Variants in FHIT observed in about 807,000 individuals in gnomAD.
The protein encoded by FHIT is fragile histidine triad diadenosine triphosphatase.
FHIT carries 19 observed loss-of-function variants against 17.9 expected under a neutral mutation model. The observed-to-expected ratio is 1.06, with a 90% CI of 0.74 to 1.56. The LOEUF (loss-of-function observed/expected upper bound fraction) is 1.56. Ranked by LOEUF, FHIT falls within the 40% of genes most tolerant of loss-of-function variation. The pLI, the probability that FHIT is intolerant of heterozygous loss-of-function variation, is 0.00. For synonymous variants in FHIT, 81 were observed against 69.7 expected (o/e 1.16, Z -0.81); for missense variants, 248 against 189.2 (o/e 1.31, Z -1.82).
chr3:61,087,781 T>A (rs1405697097), intron 2 of FHIT, among the ~76,000 whole-genome samples: 6 of 152,194 alleles, frequency 3.9e-5, no homozygotes, highest in Non-Finnish European at 8.8e-5. Flanking sequence ...TTGGTAGATT[T>A]GGTAGAGACT....
intron 5 of FHIT, among the ~76,000 whole-genome samples, chr3:60,383,731 G>A: frequency 6.6e-6 from 1 of 152,044 alleles, no homozygotes; most frequent in Middle Eastern, 3.2e-3. Flanking sequence ...AGAGAGTTAG[G>A]AGGTACATCT....
intron 5 of FHIT, among the ~76,000 whole-genome samples, chr3:60,469,626 A>ATC (rs934262965): frequency 2.6e-5 from 4 of 151,358 alleles, no homozygotes; most frequent in South Asian, 2.1e-4. Context: ...AAGCTCACAT[A>ATC]TCTCTCTCTC....
intron 8 of FHIT, among the ~76,000 whole-genome samples, chr3:59,840,928 A>G (rs543940938): frequency 6.6e-6 from 1 of 152,264 alleles, no homozygotes; most frequent in South Asian, 2.1e-4. Context: ...TAGCAAATAC[A>G]CTAGGAGCTT....
At chr3:60,679,082 T>C in intron 4 of FHIT, among the ~76,000 whole-genome samples, 1 of 152,158 alleles carries the variant, frequency 6.6e-6, no homozygotes, top group East Asian at 1.9e-4. Flanking sequence ...CTAGGGACTG[T>C]GCTAGGCTTC....
intron 3 of FHIT, among the ~76,000 whole-genome samples, chr3:61,000,293 G>A (rs1340507631): frequency 2.6e-5 from 4 of 152,308 alleles, no homozygotes; most frequent in East Asian, 3.9e-4. Flanking sequence ...GAGTCCATGC[G>A]ACACTTCTGT....
intron 5 of FHIT, among the ~76,000 whole-genome samples, chr3:60,475,186 T>A (rs923059953): frequency 6.6e-6 from 1 of 151,726 alleles, no homozygotes; most frequent in Non-Finnish European, 1.5e-5. Flanking sequence ...AGACTCTTTG[T>A]TCATCTCTTT....
chr3:60,393,088 T>C (rs577817064), intron 5 of FHIT, among the ~76,000 whole-genome samples: 1 of 152,238 alleles, frequency 6.6e-6, no homozygotes, highest in African/African-American at 2.4e-5. Context: ...CAGTCCCGAT[T>C]TGGCCCCTTC....
At chr3:60,772,995 C>T (rs555769547) in intron 4 of FHIT, among the ~76,000 whole-genome samples, 1 of 152,250 alleles carries the variant, frequency 6.6e-6, no homozygotes, top group Non-Finnish European at 1.5e-5. Context: ...TTGAAAAGCC[C>T]CTAACCTACA....
chr3:60,128,752 G>A (rs902934386), intron 5 of FHIT, among the ~76,000 whole-genome samples: 15 of 152,240 alleles, frequency 9.9e-5, no homozygotes, highest in African/African-American at 3.4e-4. Context: ...ATTGGACATA[G>A]AAATGATATA....
At chr3:60,674,930 C>G (rs1553694872) in intron 4 of FHIT, among the ~76,000 whole-genome samples, 3 of 152,176 alleles carry the variant, frequency 2.0e-5, no homozygotes, top group African/African-American at 7.2e-5. Flanking sequence ...ATTCAGTACC[C>G]TACTCTGCTA....
intron 4 of FHIT, among the ~76,000 whole-genome samples, chr3:60,815,390 A>T (rs1701703132): frequency 6.6e-6 from 1 of 151,738 alleles, no homozygotes; most frequent in Admixed American, 6.6e-5. Flanking sequence ...TTAAATCTTT[A>T]CTCCATATGG....
intron 5 of FHIT, among the ~76,000 whole-genome samples, chr3:60,340,094 T>C (rs1710441217): frequency 6.6e-6 from 1 of 152,168 alleles, no homozygotes. Flanking sequence ...AGTTTTCTTC[T>C]CTGAACTCAG....
At chr3:60,490,496 AATTT>A (rs1045190261) in intron 5 of FHIT, among the ~76,000 whole-genome samples, 1 of 152,048 alleles carries the variant, frequency 6.6e-6, no homozygotes, top group Non-Finnish European at 1.5e-5. Flanking sequence ...AGAAGGCTTA[AATTT>A]ATTTTCCCCA....
At chr3:60,501,105 C>G (rs1429090816) in intron 5 of FHIT, among the ~76,000 whole-genome samples, 1 of 152,142 alleles carries the variant, frequency 6.6e-6, no homozygotes, top group Non-Finnish European at 1.5e-5. Flanking sequence ...GACTAACAGG[C>G]TAATCTGTGA....
At chr3:60,666,306 T>C (rs1168487115) in intron 4 of FHIT, among the ~76,000 whole-genome samples, 4 of 152,296 alleles carry the variant, frequency 2.6e-5, no homozygotes, top group African/African-American at 9.6e-5. Flanking sequence ...TCATTTACTT[T>C]TCCTTCATCT....
chr3:59,938,797 C>T (rs1329274057), intron 7 of FHIT, among the ~76,000 whole-genome samples: 1 of 152,104 alleles, frequency 6.6e-6, no homozygotes, highest in Admixed American at 6.6e-5. Context: ...AGAAAAACCA[C>T]CCCCTAACTA....
At chr3:60,707,955 G>A (rs997968465) in intron 4 of FHIT, among the ~76,000 whole-genome samples, 21 of 152,202 alleles carry the variant, frequency 1.4e-4, no homozygotes, top group African/African-American at 4.3e-4. Context: ...ATTTTGTTAC[G>A]TGAATACGCT....
rs542215462 is a variant in FHIT, at chr3:59,863,895, T to G, written c.348+58451A>C. On this transcript the variant is annotated intron_variant, in intron 8 of 9. Transcript: ENST00000492590. ...GAGCCATCAACAAATATTTCTAGCT[T>G]GTCTTCTTCCTGCTGAATGAAAAGT... Among the ~76,000 whole-genome samples, 79 of 152,304 alleles carry G rather than the reference T, an allele frequency of 5.2e-4. 1 individual carries two copies. The highest frequency in any genetic ancestry group is 1.9e-3 in the African/African-American group (78 of 41,574).
chr3:60,020,155 C>T (rs182019007), intron 5 of FHIT, among the ~76,000 whole-genome samples: 6 of 152,276 alleles, frequency 3.9e-5, no homozygotes, highest in Admixed American at 2.6e-4. Context: ...AGAATCTTCC[C>T]AACTACATAA....
Sources: allele counts gnomAD v4.1 joint callset (sites outside exome capture counted in the v4.1 genomes callset), GRCh38; gene constraint gnomAD v4.1.1; transcripts MANE v1.5; gene names NCBI Gene and HGNC (gene_info 2026-07-23, HGNC 2026-07-21).